Variants in ADAMTS14 observed in about 807,000 individuals in gnomAD.
ADAMTS14 encodes ADAM metallopeptidase with thrombospondin type 1 motif 14.
ADAMTS14 carries 100 observed loss-of-function variants against 128.6 expected under a neutral mutation model. That is an observed-to-expected ratio of 0.78 (90% CI 0.66 to 0.92). The LOEUF (loss-of-function observed/expected upper bound fraction) is 0.92, where lower values mean the gene tolerates loss of function less well. Among genes scored for constraint, ADAMTS14 ranks in the 40% least tolerant of loss-of-function variants. The pLI, the probability that ADAMTS14 is intolerant of heterozygous loss-of-function variation, is 0.00. For missense variants in ADAMTS14, 1,562 were observed against 1,658.6 expected, an observed-to-expected ratio of 0.94 and a Z score of 1.01; for synonymous variants, 665 against 653.8, an observed-to-expected ratio of 1.02 and a Z score of -0.26.
At chr10:70,718,572 G>A (rs1199227296) in intron 4 of ADAMTS14, among the ~76,000 whole-genome samples, 3 of 151,920 alleles carry the variant, frequency 2.0e-5, no homozygotes, top group Admixed American at 2.0e-4. Flanking sequence ...TTTTAGTAGT[G>A]ATGGGGATTC....
At chr10:70,714,263 A>G (rs920413298) in intron 4 of ADAMTS14, among the ~76,000 whole-genome samples, 3 of 152,132 alleles carry the variant, frequency 2.0e-5, no homozygotes, top group African/African-American at 7.2e-5. Flanking sequence ...TGGGAGCCAG[A>G]CTCTTTGTAG....
intron 4 of ADAMTS14, 45 bp downstream of exon 4, chr10:70,708,823 T>TGG (rs754604399): frequency 7.7e-6 from 3 of 391,512 alleles, no homozygotes; most frequent in African/African-American, 4.4e-5. Context: ...TGGGGTGGGG[T>TGG]GGGCCCCACC....
In ADAMTS14 at chr10:70,733,980, G is replaced by C. The variant is rs577224925; in HGVS notation, c.1304G>C (p.Arg435Pro). The stretch of plus-strand genomic sequence containing the variant: ...CCCCTGGTGCAGGCTGCCTTCCACC[G>C]CTTCCATTGGTCCCGCTGCAGCAAG... Reference protein sequence around the residue: ...MAPLVQAAFHRFHWSRCSKLE... With the variant: ...MAPLVQAAFHPFHWSRCSKLE... Residue 435 changes from arginine to proline, a missense_variant, in exon 8 of 22, where the codon CGC becomes CCC. Coordinates refer to ENST00000373207, the MANE Select transcript of ADAMTS14 (RefSeq NM_080722.4). 15 of 1,613,642 alleles carry C rather than the reference G, an allele frequency of 9.3e-6. No homozygotes were observed. The East Asian group carries it at 3.1e-4, about 34-fold the overall frequency.
chr10:70,678,985 G>A (rs545038626), intron 2 of ADAMTS14, among the ~76,000 whole-genome samples: 6 of 152,306 alleles, frequency 3.9e-5, no homozygotes, highest in African/African-American at 1.4e-4. Flanking sequence ...CCTTCTGGGT[G>A]TCCTAGCTGT....
Position 70,730,213 on chromosome 10 carries a change from G to C in ADAMTS14, c.1066G>C (p.Val356Leu). Reference sequence around the variant, plus strand: ...CAGCCACGCTGAGCACCATGACCACGTTGTGTTCCTCACCCGGCAGGACTT... The same window carrying C: ...CAGCCACGCTGAGCACCATGACCACCTTGTGTTCCTCACCCGGCAGGACTT... ...DPSHAEHHDH[V>L]VFLTRQDFGP... Residue 356 changes from valine to leucine, a missense_variant, in exon 6 of 22, where the codon GTT becomes CTT. Val to Leu is a conservative substitution (Grantham distance 32). Transcript: ENST00000373207. 1 of 1,614,126 alleles carries C rather than the reference G, an allele frequency of 6.2e-7. No homozygotes were observed.
intron 19 of ADAMTS14, 39 bp from the exon 20 acceptor site, chr10:70,757,923 C>A (rs199616637): frequency 1.3e-6 from 2 of 1,557,862 alleles, no homozygotes; most frequent in Admixed American, 3.7e-5. Flanking sequence ...CCTACCCTGA[C>A]CCCGGCCGCT....
At chr10:70,743,776 C>G in intron 13 of ADAMTS14, 95 bp downstream of exon 13, 1 of 1,434,484 alleles carries the variant, frequency 7.0e-7, no homozygotes. Context: ...CATTGCCTCA[C>G]CGGCCCACTC....
chr10:70,745,431 C>G lies in ADAMTS14; in HGVS notation c.2263+125C>G, dbSNP rs190486648. On this transcript the variant is annotated intron_variant, in intron 15 of 21. Coordinates refer to ENST00000373207, the MANE Select transcript of ADAMTS14 (RefSeq NM_080722.4). Reference sequence around the variant, plus strand: ...GAATTGTACTAACTGGAGTAATGGGCAGAGACCCCCTTTTCATTTTATTTT... The same window carrying G: ...GAATTGTACTAACTGGAGTAATGGGGAGAGACCCCCTTTTCATTTTATTTT... 6.3e-6 allele frequency: 6 copies of G among 952,846 alleles called. No individual in the cohort carries two copies. In the African/African-American group the frequency reaches 8.2e-5, roughly 13 times the overall value. 59.0% of individuals were successfully genotyped at this position (952,846 alleles called of 1,614,324 possible).
intron 11 of ADAMTS14, among the ~76,000 whole-genome samples, chr10:70,739,456 G>A (rs991235889): frequency 1.3e-5 from 2 of 151,898 alleles, no homozygotes; most frequent in African/African-American, 4.8e-5. Flanking sequence ...CCACCCCTGA[G>A]TTTTAGCATT....
At chr10:70,698,183 A>G (rs1245220883) in intron 2 of ADAMTS14, among the ~76,000 whole-genome samples, 4 of 152,256 alleles carry the variant, frequency 2.6e-5, no homozygotes, top group African/African-American at 9.6e-5. Context: ...ATAGTTGGAA[A>G]TTCAATATGG....
At chr10:70,696,501 C>T (rs1840336295) in intron 2 of ADAMTS14, among the ~76,000 whole-genome samples, 1 of 152,088 alleles carries the variant, frequency 6.6e-6, no homozygotes, top group South Asian at 2.1e-4. Context: ...CAGTAGGCAC[C>T]TGTGTGCACG....
intron 1 of ADAMTS14, among the ~76,000 whole-genome samples, chr10:70,674,137 C>T (rs1009374062): frequency 6.6e-6 from 1 of 152,132 alleles, no homozygotes; most frequent in African/African-American, 2.4e-5. Context: ...GAGGAGGGCA[C>T]TACCCCAGCC....
At chr10:70,684,048 C>T (rs531257875) in intron 2 of ADAMTS14, among the ~76,000 whole-genome samples, 11 of 151,910 alleles carry the variant, frequency 7.2e-5, no homozygotes, top group South Asian at 6.3e-4. Flanking sequence ...GGAAGCATAG[C>T]GGCTTCCACT....
rs1287619564 is a variant in ADAMTS14 at position 70,691,484 on chromosome 10, T to G, written c.523-10828T>G. ...CCAGCCTGGGGACAGAGTGAGACCCTGTTAAAAAAAAAAAAAAAAAAAAAA... is the reference window on the plus strand; with the variant it reads ...CCAGCCTGGGGACAGAGTGAGACCCGGTTAAAAAAAAAAAAAAAAAAAAAA... On this transcript the variant is annotated intron_variant, in intron 2 of 21. Coordinates refer to ENST00000373207, the MANE Select transcript of ADAMTS14 (RefSeq NM_080722.4). Among the ~76,000 whole-genome samples, 2 of 92,418 alleles carry G rather than the reference T, an allele frequency of 2.2e-5. 1 individual carries two copies. The highest frequency in any genetic ancestry group is 4.6e-5 in the Non-Finnish European group (2 of 43,084). 60.6% of individuals were successfully genotyped at this position (92,418 alleles called of 152,430 possible). A position where few individuals can be genotyped will look rare whatever the true frequency, so the allele number is the denominator to read the frequency against.
chr10:70,727,289 G>A (rs1447116246), intron 4 of ADAMTS14, among the ~76,000 whole-genome samples: 1 of 152,236 alleles, frequency 6.6e-6, no homozygotes, highest in African/African-American at 2.4e-5. Context: ...CTTGCCATGG[G>A]ACTGTCACGC....
intron 7 of ADAMTS14, among the ~76,000 whole-genome samples, chr10:70,733,012 CAA>C (rs1214148740): frequency 2.6e-5 from 4 of 152,198 alleles, no homozygotes; most frequent in African/African-American, 9.7e-5. Flanking sequence ...TGGGTGGACA[CAA>C]ATGAGCTACT....
intron 2 of ADAMTS14, among the ~76,000 whole-genome samples, chr10:70,680,706 T>C (rs113433846): frequency 3.9e-5 from 6 of 152,258 alleles, no homozygotes; most frequent in African/African-American, 1.4e-4. Flanking sequence ...GCCTTAAAAA[T>C]GGATAAAAGT....
intron 19 of ADAMTS14, among the ~76,000 whole-genome samples, chr10:70,755,764 G>T (rs546901100): frequency 6.6e-6 from 1 of 152,184 alleles, no homozygotes; most frequent in East Asian, 1.9e-4. Flanking sequence ...CAGGAGAATC[G>T]CTTGAACCTG....
rs1840782807 is a variant in ADAMTS14 at position 70,709,711 on chromosome 10, A to G, written c.870+933A>G. Among the ~76,000 whole-genome samples, 5 of 152,238 alleles carry G rather than the reference A, an allele frequency of 3.3e-5. No individual in the cohort carries two copies. In the South Asian group the frequency reaches 1.0e-3, roughly 32 times the overall value. On this transcript the variant is annotated intron_variant, in intron 4 of 21. Transcript: ENST00000373207. ...GAGACGGGATTTCACTGTGTTAGCC[A>G]GGATGGTCTGGATCTCCTGACCTCG...
Sources: gnomAD v4.1 joint callset for allele counts (sites outside exome capture counted in the v4.1 genomes callset) on GRCh38, gnomAD v4.1.1 for gene constraint, MANE v1.5 for transcripts, NCBI Gene and HGNC (gene_info 2026-07-23, HGNC 2026-07-21) for gene names.